The following ATP2B3 variants were observed in gnomAD, a reference collection of about 807,000 sequenced individuals.
ATP2B3 encodes plasma membrane calcium-transporting ATPase 3.
ATP2B3 carries 12 observed loss-of-function variants against 70.8 expected under a neutral mutation model. The observed-to-expected ratio is 0.17, with a 90% CI of 0.11 to 0.27. The LOEUF (loss-of-function observed/expected upper bound fraction) is 0.27, where lower values mean the gene tolerates loss of function less well. Ranked by LOEUF, ATP2B3 falls within the 10% of genes least tolerant of loss-of-function variation. ATP2B3 has a pLI of 1.00. For synonymous variants in ATP2B3, 460 were observed against 497.8 expected (o/e 0.92, Z 1.01); for missense variants, 858 against 1,118.5 (o/e 0.77, Z 3.32).
chrX:153,518,046 T>G (rs2089902410), intron 1 of ATP2B3, among the ~76,000 whole-genome samples, 171 bp downstream of exon 1: 1 of 110,484 alleles, frequency 9.1e-6, no homozygotes, highest in African/African-American at 3.3e-5. Context: ...TGCGTGTCCT[T>G]GCGGCACTGC....
intron 21 of ATP2B3, among the ~76,000 whole-genome samples, chrX:153,571,750 G>A (rs1557020018): frequency 8.9e-6 from 1 of 112,640 alleles, no homozygotes; most frequent in Admixed American, 9.3e-5. Flanking sequence ...TTCCATGGGG[G>A]CCCTAAGTGG....
In ATP2B3 at chrX:153,536,405, A is replaced by G. The variant is rs1557004126; in HGVS notation, c.158A>G (p.Tyr53Cys). Residue 53 changes from tyrosine (Y) to cysteine (C), a missense_variant, in exon 3 of 22, where the codon TAC (tyrosine) becomes TGC (cysteine). Around this residue, in one of 5 missense-constraint regions of ATP2B3, gnomAD observed 278 missense variants for 366.2 expected, o/e 0.76. Coordinates refer to ENST00000263519, the MANE Select transcript of ATP2B3 (RefSeq NM_001001344.3). The stretch of plus-strand genomic sequence containing the variant: ...GCGCTGCAGAAGATCGAGGAGGCCT[A>G]CGGGGATGTCAGCGGGCTCTGCCGG... ...AEALQKIEEA[Y>C]GDVSGLCRRL... 8.3e-6 allele frequency: 10 copies of G among 1,205,362 alleles called. No individual in the cohort carries two copies. The highest frequency in any genetic ancestry group is 1.1e-5 in the Non-Finnish European group (10 of 893,152).
At chrX:153,542,798 GC>G (rs1330087753) in intron 6 of ATP2B3, among the ~76,000 whole-genome samples, 2 of 113,228 alleles carry the variant, frequency 1.8e-5, no homozygotes, top group African/African-American at 6.4e-5. Context: ...GAAGGTTTCA[GC>G]ATAGTCCGGT....
intron 8 of ATP2B3, among the ~76,000 whole-genome samples, chrX:153,547,050 C>T (rs1466953758): frequency 1.8e-5 from 2 of 111,944 alleles, no homozygotes; most frequent in Non-Finnish European, 3.8e-5. Context: ...CCCAGTGGAT[C>T]GGGGACCAGA....
intron 8 of ATP2B3, among the ~76,000 whole-genome samples, chrX:153,547,124 G>A (rs1557009077): frequency 9.0e-6 from 1 of 111,666 alleles, no homozygotes; most frequent in East Asian, 2.8e-4. Flanking sequence ...GGGCAGAAGA[G>A]GGAGGTGGGG....
rs782043380 is a variant in ATP2B3 at position 153,562,283 on chromosome X, G to A, written c.3159+41G>A. 1.7e-5 allele frequency: 19 copies of A among 1,140,067 alleles called. 1 individual carries two copies. The East Asian group carries it at 5.4e-4, about 32-fold the overall frequency. 94.0% of individuals were successfully genotyped at this position (1,140,067 alleles called of 1,213,427 possible). ...GCCCCTCATTTCAGACTGCCCTGCA[G>A]ACAGCTTCTGTGATGGGCCCACTTG... On this transcript the variant is annotated intron_variant, in intron 20 of 21. Coordinates refer to ENST00000263519, the MANE Select transcript of ATP2B3 (RefSeq NM_001001344.3).
intron 1 of ATP2B3, among the ~76,000 whole-genome samples, 110 bp from the exon 2 acceptor site, chrX:153,518,322 C>T (rs1556996800): frequency 8.9e-6 from 1 of 112,502 alleles, no homozygotes; most frequent in East Asian, 2.8e-4. Context: ...CCTTCCCGCA[C>T]CGTTCCCCGC....
intron 2 of ATP2B3, among the ~76,000 whole-genome samples, chrX:153,534,563 C>T (rs1453645572): frequency 8.9e-6 from 1 of 112,384 alleles, no homozygotes; most frequent in East Asian, 2.8e-4. Context: ...TAGAGAGGGA[C>T]GGGGTTAGTT....
In ATP2B3 at chrX:153,541,424, C is replaced by G. The variant is rs2090278865; in HGVS notation, c.274C>G (p.Pro92Ala). ...RQIYGQNFIP[P>A]KQPKTFLQLV... The stretch of plus-strand genomic sequence containing the variant: ...GATCTACGGGCAGAACTTCATCCCC[C>G]CAAAGCAACCCAAGACCTTCCTGCA... Residue 92 changes from proline to alanine, a missense_variant, in exon 4 of 22, where the codon CCA (proline) becomes GCA (alanine). By Grantham distance (27) the Pro-to-Ala change is conservative. This residue lies in a region of ATP2B3 where 278 missense variants were observed against 366.2 expected (regional missense o/e 0.76). Coordinates refer to ENST00000263519, the MANE Select transcript of ATP2B3 (RefSeq NM_001001344.3). 3 of 1,210,386 alleles carry G rather than the reference C, an allele frequency of 2.5e-6. No homozygotes were observed. Among genetic ancestry groups the G allele is most frequent in the African/African-American group, 1.7e-5 (1 of 57,313 alleles).
At chrX:153,573,001 A>G (rs1458489817) in intron 21 of ATP2B3, among the ~76,000 whole-genome samples, 1 of 112,279 alleles carries the variant, frequency 8.9e-6, no homozygotes, top group East Asian at 2.8e-4. Context: ...CCACGCATCC[A>G]AAGTCTATCC....
chrX:153,523,279 G>A (rs1556998462), intron 2 of ATP2B3, among the ~76,000 whole-genome samples: 1 of 112,571 alleles, frequency 8.9e-6, no homozygotes, highest in Non-Finnish European at 1.9e-5. Context: ...CCAAGCACCC[G>A]GGATGTATCA....
At position 153,548,661 on chromosome X, in the gene ATP2B3, C is replaced by T. The variant is rs782321283; in HGVS notation, c.1145C>T (p.Thr382Ile). ...GKAGLVMSAI[T>I]VIILVLYFVI... ...GCAGGGCTGGTGATGTCTGCCATCA[C>T]CGTCATCATCCTGGTCCTCTACTTT... The change falls in exon 10 of 22, where the codon ACC becomes ATC. Residue 382 changes from threonine (T) to isoleucine (I), a missense_variant. By Grantham distance (89) the Thr-to-Ile change is moderately conservative. This residue lies in a region of ATP2B3 where 278 missense variants were observed against 366.2 expected (regional missense o/e 0.76). Transcript: ENST00000263519. 2 of 1,210,892 alleles carry T rather than the reference C, an allele frequency of 1.7e-6. No homozygotes were observed. The highest frequency in any genetic ancestry group is 4.3e-5 in the Admixed American group (2 of 46,061).
In ATP2B3 at chrX:153,559,822, T is replaced by C. The variant is rs1354715365; in HGVS notation, c.2719T>C (p.Ser907Pro). 1.7e-6 allele frequency: 2 copies of C among 1,209,355 alleles called. No homozygotes were observed. Among genetic ancestry groups the C allele is most frequent in the African/African-American group, 3.5e-5 (2 of 56,994 alleles). The part of the protein sequence containing the change: ...LALATEPPTE[S>P]LLLRKPYGRD... ...CCTGGCGACGGAGCCACCCACAGAG[T>C]CGCTGCTGCTGCGGAAGCCGTACGG... The change falls in exon 18 of 22, where the codon TCG becomes CCG. Residue 907 changes from serine to proline, a missense_variant. Around this residue, in one of 5 missense-constraint regions of ATP2B3, gnomAD observed 265 missense variants for 305.3 expected, o/e 0.87. Transcript: ENST00000263519.
chrX:153,529,969 A>G (rs1260327120), intron 2 of ATP2B3, among the ~76,000 whole-genome samples: 5 of 112,837 alleles, frequency 4.4e-5, no homozygotes, highest in South Asian at 3.6e-4. Flanking sequence ...CTGCCTATCC[A>G]TGGACATTGG....
At chrX:153,552,725 C>A (rs1347676003) in intron 12 of ATP2B3, among the ~76,000 whole-genome samples, 1 of 112,401 alleles carries the variant, frequency 8.9e-6, no homozygotes, top group Non-Finnish European at 1.9e-5. Flanking sequence ...GTTCTGGAGG[C>A]CGGAAGTCCA....
intron 2 of ATP2B3, among the ~76,000 whole-genome samples, chrX:153,534,075 C>T (rs909794898): frequency 8.9e-6 from 1 of 112,166 alleles, no homozygotes; most frequent in African/African-American, 3.2e-5. Context: ...GAGCCTGAAC[C>T]TGACAGTGGC....
chrX:153,546,479 CT>C (rs1237281843), intron 8 of ATP2B3, among the ~76,000 whole-genome samples: 1 of 113,138 alleles, frequency 8.8e-6, no homozygotes, highest in Non-Finnish European at 1.9e-5. Context: ...ACCTGAAGCT[CT>C]GGGTCCCAGT....
intron 2 of ATP2B3, among the ~76,000 whole-genome samples, chrX:153,529,235 C>T (rs1557000926): frequency 8.9e-6 from 1 of 112,029 alleles, no homozygotes; most frequent in Admixed American, 9.4e-5. Context: ...CCTCTCTCCA[C>T]TGATCTGCTC....
chrX:153,528,039 A>C (rs781867773), intron 2 of ATP2B3, among the ~76,000 whole-genome samples: 5 of 112,923 alleles, frequency 4.4e-5, no homozygotes, highest in Non-Finnish European at 9.4e-5. Context: ...TCGCAGATTA[A>C]AAAGTGAAGG....
Sources: allele counts gnomAD v4.1 joint callset (sites outside exome capture counted in the v4.1 genomes callset), GRCh38; gene constraint gnomAD v4.1.1; regional missense constraint gnomAD v4.1.1; transcripts MANE v1.5; gene names NCBI Gene and HGNC (gene_info 2026-07-23, HGNC 2026-07-21).